C1orf21: variants seen among roughly 807,000 people sequenced by gnomAD.
C1orf21 encodes chromosome 1 open reading frame 21.
Under a neutral mutation model 18.7 loss-of-function variants are expected in C1orf21, and 3 were observed. That is an observed-to-expected ratio of 0.16 (90% CI 0.07 to 0.42). The LOEUF is 0.42. C1orf21 is among the 10% of genes least tolerant of loss of function. The pLI is 0.99. For synonymous variants in C1orf21, 41 were observed against 46.4 expected (o/e 0.88, Z 0.47); for missense variants, 104 against 143.6 (o/e 0.72, Z 1.41).
chr1:184,567,688 AT>A, intron 3 of C1orf21: 1 of 376,160 alleles, frequency 2.7e-6, no homozygotes, highest in Non-Finnish European at 5.3e-6. Context: ...TCAAGCAGAG[AT>A]TTTTCCAGGG....
chr1:184,497,523 G>A (rs534137441), intron 2 of C1orf21, among the ~76,000 whole-genome samples: 2 of 152,318 alleles, frequency 1.3e-5, no homozygotes, highest in South Asian at 2.1e-4. Flanking sequence ...CTTTCTTCAC[G>A]AATGTGAGCA....
intron 1 of C1orf21, among the ~76,000 whole-genome samples, chr1:184,429,295 T>A (rs1408406040): frequency 6.6e-6 from 1 of 152,180 alleles, no homozygotes. Context: ...ACCTTATAGT[T>A]CAGCATGGAG....
At position 184,620,696 on chromosome 1, in the gene C1orf21, T is replaced by C. The variant is rs1659903114; in HGVS notation, c.*1140T>C. 6.6e-6 allele frequency: 1 copy of C among 152,592 alleles called. No homozygotes were observed. The highest frequency in any genetic ancestry group is 1.5e-5 in the Non-Finnish European group (1 of 68,030). 9.5% of individuals were successfully genotyped at this position (152,592 alleles called of 1,614,324 possible). A position where few individuals can be genotyped will look rare whatever the true frequency, so the allele number is the denominator to read the frequency against. ...AAACATAATACTTTTATGCTGATGA[T>C]GGTATTTGGAGATGTGAAAGCCAAA... On this transcript the variant is annotated 3_prime_UTR_variant, in exon 6 of 6. Transcript: ENST00000235307.
intron 2 of C1orf21, among the ~76,000 whole-genome samples, chr1:184,498,793 A>G (rs1272653288): frequency 1.3e-5 from 2 of 152,236 alleles, no homozygotes; most frequent in Non-Finnish European, 2.9e-5. Context: ...GGATATCAGT[A>G]TACAAAGAGA....
intron 3 of C1orf21, among the ~76,000 whole-genome samples, chr1:184,521,711 T>C (rs1045396415): frequency 6.6e-6 from 1 of 152,178 alleles, no homozygotes; most frequent in African/African-American, 2.4e-5. Context: ...TCAAAATTCA[T>C]AGAGCTTTAT....
intron 3 of C1orf21, among the ~76,000 whole-genome samples, chr1:184,576,006 G>A (rs1659184330): frequency 6.6e-6 from 1 of 152,182 alleles, no homozygotes; most frequent in East Asian, 1.9e-4. Context: ...CGGGGACAGA[G>A]GGCATTGCTT....
chr1:184,506,903 A>G (rs1044607856), intron 2 of C1orf21, among the ~76,000 whole-genome samples: 2 of 152,140 alleles, frequency 1.3e-5, no homozygotes, highest in East Asian at 1.9e-4. Context: ...TGTACCTACC[A>G]TTTCATCTGT....
intron 2 of C1orf21, among the ~76,000 whole-genome samples, chr1:184,498,916 C>A (rs1275880541): frequency 6.6e-6 from 1 of 152,238 alleles, no homozygotes; most frequent in Non-Finnish European, 1.5e-5. Flanking sequence ...TCCCACCACT[C>A]TGTAGATGTA....
chr1:184,497,841 C>T (rs1251429718), intron 2 of C1orf21, among the ~76,000 whole-genome samples: 1 of 152,150 alleles, frequency 6.6e-6, no homozygotes, highest in African/African-American at 2.4e-5. Flanking sequence ...TCACTGAAAA[C>T]CAATTTAAAT....
intron 3 of C1orf21, among the ~76,000 whole-genome samples, chr1:184,556,835 G>A (rs992592980): frequency 1.1e-4 from 16 of 152,094 alleles, no homozygotes; most frequent in Admixed American, 9.2e-4. Context: ...AAAGATGAAT[G>A]GAAGACTGTC....
intron 1 of C1orf21, among the ~76,000 whole-genome samples, chr1:184,455,578 G>A (rs1657186161): frequency 6.6e-6 from 1 of 151,998 alleles, no homozygotes; most frequent in African/African-American, 2.4e-5. Context: ...TTTCCCTTTG[G>A]GGACAGCGTG....
intron 1 of C1orf21, among the ~76,000 whole-genome samples, chr1:184,399,356 A>ATTTT (rs59376994): frequency 3.8e-5 from 3 of 79,074 alleles, no homozygotes; most frequent in Non-Finnish European, 5.2e-5. Context: ...ATGTACTTCT[A>ATTTT]TTTTTTTTTT....
chr1:184,565,847 C>G lies in C1orf21; in HGVS notation c.190-24892C>G, dbSNP rs190311465. Among the ~76,000 whole-genome samples, 175 of 152,204 alleles carry G rather than the reference C, an allele frequency of 1.1e-3. 1 individual carries two copies. The highest frequency in any genetic ancestry group is 4.2e-3 in the African/African-American group (173 of 41,534). ...TTCAATAGATTACATGGCCAATTGT[C>G]CTTGGGACTGCAGACTATTTATAAA... is the stretch of plus-strand genomic sequence containing the variant. On this transcript the variant is annotated intron_variant, in intron 3 of 5. Coordinates refer to ENST00000235307, the MANE Select transcript of C1orf21 (RefSeq NM_030806.4).
intron 2 of C1orf21, 78 bp from the exon 3 acceptor site, chr1:184,507,510 T>C: frequency 9.1e-6 from 11 of 1,215,016 alleles, no homozygotes; most frequent in East Asian, 2.5e-5. Flanking sequence ...CAAATTACAC[T>C]ATTGGGATTT....
At chr1:184,609,004 A>G (rs1178515809) in intron 5 of C1orf21, among the ~76,000 whole-genome samples, 1 of 152,164 alleles carries the variant, frequency 6.6e-6, no homozygotes, top group African/African-American at 2.4e-5. Context: ...TCCTGGCCAA[A>G]TGCATGTGCT....
intron 2 of C1orf21, among the ~76,000 whole-genome samples, chr1:184,485,644 G>T (rs1185188720): frequency 1.3e-5 from 2 of 152,104 alleles, no homozygotes; most frequent in Admixed American, 6.5e-5. Context: ...TGTGTGTCAG[G>T]GGGTGATTTG....
chr1:184,587,529 TGTGTGTGTGTGTG>T (rs1659374826), intron 3 of C1orf21, among the ~76,000 whole-genome samples: 1 of 14,802 alleles, frequency 6.8e-5, no homozygotes, highest in Non-Finnish European at 1.1e-4. Flanking sequence ...AGGAATTGTG[TGTGTGTGTGTGTG>T]TGTGTGTGTG....
intron 2 of C1orf21, among the ~76,000 whole-genome samples, chr1:184,487,855 C>A (rs1250661500): frequency 6.6e-6 from 1 of 152,190 alleles, no homozygotes; most frequent in Non-Finnish European, 1.5e-5. Context: ...TGCCTGCCTT[C>A]ATAGGGCTGT....
At chr1:184,419,799 G>A (rs1359025021) in intron 1 of C1orf21, among the ~76,000 whole-genome samples, 1 of 152,146 alleles carries the variant, frequency 6.6e-6, no homozygotes. Flanking sequence ...TGCAGAGAGA[G>A]TCACTGGGCA....
Sources: allele counts gnomAD v4.1 joint callset (sites outside exome capture counted in the v4.1 genomes callset), GRCh38; gene constraint gnomAD v4.1.1; transcripts MANE v1.5; gene names NCBI Gene and HGNC (gene_info 2026-07-23, HGNC 2026-07-21).